The following ANKS1B variants were observed in gnomAD, a reference collection of about 807,000 sequenced individuals.
ANKS1B encodes ankyrin repeat and sterile alpha motif domain-containing protein 1B.
In ANKS1B, 36 loss-of-function variants were observed where a neutral mutation model predicts 148.3. The ratio of observed to expected loss-of-function variants is 0.24; its 90% CI spans 0.19 to 0.32. The LOEUF (loss-of-function observed/expected upper bound fraction) is 0.32. Ranked by LOEUF, ANKS1B falls within the 10% of genes least tolerant of loss-of-function variation. The pLI is 1.00. For missense variants in ANKS1B, 1,157 were observed against 1,542.6 expected (o/e 0.75, Z 4.19); for synonymous variants, 542 against 560.8 (o/e 0.97, Z 0.47).
chr12:99,107,686 C>G (rs530950768), intron 15 of ANKS1B, among the ~76,000 whole-genome samples: 22 of 152,302 alleles, frequency 1.4e-4, no homozygotes, highest in African/African-American at 5.3e-4. Context: ...GATGCAGATT[C>G]AGTCACTTAA....
At chr12:99,824,590 G>A (rs1356828688) in intron 2 of ANKS1B, among the ~76,000 whole-genome samples, 1 of 151,976 alleles carries the variant, frequency 6.6e-6, no homozygotes, top group East Asian at 1.9e-4. Flanking sequence ...ACGAGGGGGA[G>A]ATAAAGGAAG....
chr12:99,906,173 G>T (rs1262529060), intron 1 of ANKS1B, among the ~76,000 whole-genome samples: 1 of 152,126 alleles, frequency 6.6e-6, no homozygotes, highest in Non-Finnish European at 1.5e-5. Context: ...TTTGCAGCCT[G>T]GAACAAAGTC....
At chr12:98,952,282 G>T (rs562160802) in intron 17 of ANKS1B, among the ~76,000 whole-genome samples, 1 of 152,314 alleles carries the variant, frequency 6.6e-6, no homozygotes, top group Non-Finnish European at 1.5e-5. Context: ...GTCATTCAAG[G>T]CCACAGAGCA....
chr12:99,773,056 A>G lies in ANKS1B; in HGVS notation c.994T>C (p.Leu332=). The G allele has an allele frequency of 6.2e-7, 1 of 1,609,362 alleles. No individual in the cohort carries two copies. The highest frequency in any genetic ancestry group is 8.5e-7 in the Non-Finnish European group (1 of 1,177,520). The change falls in exon 8 of 27, where the codon TTG becomes CTG. Residue 332 remains leucine (L), a synonymous_variant. Transcript: ENST00000683438. ...TCTTGACAGAGTTTTATTTCATCCA[A>G]GAGTTTTGATAATTCTCCAGTGACG... ...ETVTGELSKL[L]DEIKLCQEKD...
intron 12 of ANKS1B, among the ~76,000 whole-genome samples, chr12:99,302,055 C>G (rs143339805): frequency 1.1e-4 from 16 of 152,190 alleles, no homozygotes; most frequent in African/African-American, 3.6e-4. Flanking sequence ...GGAAATATCA[C>G]CAGTTCTTAA....
intron 17 of ANKS1B, among the ~76,000 whole-genome samples, chr12:99,023,510 T>C (rs1236456054): frequency 3.9e-5 from 6 of 152,014 alleles, no homozygotes; most frequent in African/African-American, 1.4e-4. Context: ...TCTTCCTCCT[T>C]CTCTTAGGTA....
At chr12:99,751,548 G>C (rs2061107428) in intron 8 of ANKS1B, among the ~76,000 whole-genome samples, 1 of 151,982 alleles carries the variant, frequency 6.6e-6, no homozygotes, top group African/African-American at 2.4e-5. Context: ...TCAATTTCCA[G>C]TCAAACTGTG....
intron 15 of ANKS1B, among the ~76,000 whole-genome samples, chr12:99,098,913 T>A (rs1438934605): frequency 6.6e-6 from 1 of 151,482 alleles, no homozygotes; most frequent in African/African-American, 2.4e-5. Context: ...CTAATTTTTT[T>A]CTTTGAGTTT....
intron 8 of ANKS1B, among the ~76,000 whole-genome samples, chr12:99,767,082 G>A (rs1232956086): frequency 6.6e-6 from 1 of 151,912 alleles, no homozygotes; most frequent in African/African-American, 2.4e-5. Flanking sequence ...GTATTCTCAA[G>A]AATAGCTTGG....
chr12:99,558,669 C>T (rs1196763210), intron 9 of ANKS1B, among the ~76,000 whole-genome samples: 2 of 152,146 alleles, frequency 1.3e-5, no homozygotes, highest in African/African-American at 4.8e-5. Context: ...GGCTGCACTG[C>T]AAGTGTGTGG....
At chr12:99,765,687 A>C (rs759099290) in intron 8 of ANKS1B, among the ~76,000 whole-genome samples, 1 of 152,194 alleles carries the variant, frequency 6.6e-6, no homozygotes, top group Middle Eastern at 3.2e-3. Context: ...CAATCCAAGA[A>C]CAAAATATTT....
intron 1 of ANKS1B, among the ~76,000 whole-genome samples, chr12:99,896,009 A>G (rs540324331): frequency 6.6e-6 from 1 of 151,360 alleles, no homozygotes; most frequent in East Asian, 1.9e-4. Context: ...GTTTTGATAT[A>G]TATACACATA....
At chr12:99,894,495 C>A (rs34847120) in intron 1 of ANKS1B, among the ~76,000 whole-genome samples, 1 of 116,334 alleles carries the variant, frequency 8.6e-6, no homozygotes, top group Non-Finnish European at 1.7e-5. Flanking sequence ...AGCAACAGAG[C>A]GGGACCCTGT....
intron 8 of ANKS1B, among the ~76,000 whole-genome samples, chr12:99,732,418 C>T (rs2059249770): frequency 6.6e-6 from 1 of 152,084 alleles, no homozygotes; most frequent in Non-Finnish European, 1.5e-5. Context: ...AATGGAAAAA[C>T]ATGTTGTAGT....
chr12:98,778,294 G>A (rs1233498262), intron 24 of ANKS1B, among the ~76,000 whole-genome samples: 3 of 152,052 alleles, frequency 2.0e-5, no homozygotes. Context: ...TGGCCAACAT[G>A]GCGAAATCCC....
chr12:99,750,514 C>A (rs1382803990), intron 8 of ANKS1B, among the ~76,000 whole-genome samples: 1 of 152,034 alleles, frequency 6.6e-6, no homozygotes, highest in Non-Finnish European at 1.5e-5. Flanking sequence ...TATTGTATAG[C>A]CAATTCTACT....
intron 15 of ANKS1B, among the ~76,000 whole-genome samples, chr12:99,139,675 G>A (rs1319146108): frequency 6.6e-6 from 1 of 151,414 alleles, no homozygotes; most frequent in Non-Finnish European, 1.5e-5. Context: ...AATGTGATTT[G>A]CTATTTGCTG....
At chr12:98,826,455 T>C (rs2099249493) in intron 19 of ANKS1B, among the ~76,000 whole-genome samples, 1 of 152,098 alleles carries the variant, frequency 6.6e-6, no homozygotes, top group South Asian at 2.1e-4. Context: ...TCCAAACATC[T>C]GGTAAGCAGA....
intron 9 of ANKS1B, among the ~76,000 whole-genome samples, chr12:99,643,976 G>C (rs1287327323): frequency 6.6e-6 from 1 of 152,094 alleles, no homozygotes; most frequent in African/African-American, 2.4e-5. Context: ...TTGCAATCTG[G>C]ATAGATTGAG....
Sources: allele counts gnomAD v4.1 joint callset (sites outside exome capture counted in the v4.1 genomes callset), GRCh38; gene constraint gnomAD v4.1.1; transcripts MANE v1.5; gene names NCBI Gene and HGNC (gene_info 2026-07-23, HGNC 2026-07-21).